The following ARHGAP32 variants were observed in gnomAD, a reference collection of about 807,000 sequenced individuals.
ARHGAP32 encodes the protein Rho GTPase activating protein 32.
A neutral mutation model predicts 186.5 loss-of-function variants in ARHGAP32; 51 were observed. The observed-to-expected ratio is 0.27, with a 90% CI of 0.22 to 0.35. The LOEUF (loss-of-function observed/expected upper bound fraction) is 0.35. ARHGAP32 is among the 10% of genes least tolerant of loss of function. The pLI is 1.00. For missense variants in ARHGAP32, 2,186 were observed against 2,623.5 expected (o/e 0.83, Z 3.64); for synonymous variants, 950 against 964.3 (o/e 0.99, Z 0.27).
chr11:129,062,367 T>C lies in ARHGAP32; in HGVS notation c.886-10A>G, dbSNP rs1469042537. On this transcript the variant is annotated splice_polypyrimidine_tract_variant and intron_variant, in intron 9 of 22. Coordinates refer to ENST00000682385, the MANE Select transcript of ARHGAP32 (RefSeq NM_001378024.1). The stretch of plus-strand genomic sequence containing the variant: ...AAACAATGTCTCCCACCTAGGAGAA[T>C]CAAAATTTTAAGCAAAATGGTTTTA... 2 of 1,609,086 alleles carry C rather than the reference T, an allele frequency of 1.2e-6. No homozygotes were observed. The highest frequency in any genetic ancestry group is 4.5e-5 in the East Asian group (2 of 44,804).
At chr11:129,086,745 C>CG (rs1941416247) in intron 6 of ARHGAP32, among the ~76,000 whole-genome samples, 1 of 147,728 alleles carries the variant, frequency 6.8e-6, no homozygotes, top group Admixed American at 6.8e-5. Context: ...GGCGTGAACC[C>CG]GGGAGGCAGA....
At chr11:129,045,223 C>A (rs1366397921) in intron 10 of ARHGAP32, among the ~76,000 whole-genome samples, 1 of 152,202 alleles carries the variant, frequency 6.6e-6, no homozygotes, top group African/African-American at 2.4e-5. Flanking sequence ...CTGCTACTAT[C>A]CTGTCTCCTC....
chr11:129,100,491 C>T (rs1941862342), intron 5 of ARHGAP32, among the ~76,000 whole-genome samples: 1 of 152,130 alleles, frequency 6.6e-6, no homozygotes, highest in African/African-American at 2.4e-5. Flanking sequence ...TGTCAGCTTC[C>T]CCTGAGGCCA....
intron 1 of ARHGAP32, among the ~76,000 whole-genome samples, chr11:129,183,815 C>T (rs1944103294): frequency 6.6e-6 from 1 of 152,060 alleles, no homozygotes. Context: ...AGTGAATGTT[C>T]CCTGCAGAAA....
chr11:129,224,936 A>C (rs993590714), intron 1 of ARHGAP32, among the ~76,000 whole-genome samples: 22 of 151,808 alleles, frequency 1.4e-4, no homozygotes, highest in African/African-American at 5.1e-4. Flanking sequence ...ACATAGCAAG[A>C]CTCTATCTCT....
intron 6 of ARHGAP32, among the ~76,000 whole-genome samples, chr11:129,085,678 G>A (rs1311710917): frequency 6.6e-6 from 1 of 152,074 alleles, no homozygotes; most frequent in Non-Finnish European, 1.5e-5. Flanking sequence ...AAAGTTGGAA[G>A]GCTGACACTA....
intron 2 of ARHGAP32, among the ~76,000 whole-genome samples, chr11:129,149,640 G>C (rs1943246078): frequency 6.6e-6 from 1 of 152,114 alleles, no homozygotes; most frequent in Admixed American, 6.6e-5. Flanking sequence ...TGAACATTAA[G>C]ACTTGAGTTC....
At chr11:129,197,518 T>C (rs1240733321) in intron 1 of ARHGAP32, among the ~76,000 whole-genome samples, 1 of 152,220 alleles carries the variant, frequency 6.6e-6, no homozygotes, top group Non-Finnish European at 1.5e-5. Context: ...GTCCACAGAC[T>C]GCTTCATGAA....
At chr11:129,220,178 A>G (rs756904826) in intron 1 of ARHGAP32, among the ~76,000 whole-genome samples, 2 of 152,200 alleles carry the variant, frequency 1.3e-5, no homozygotes, top group South Asian at 2.1e-4. Flanking sequence ...TTAAACCAGA[A>G]TATCATTAAC....
chr11:129,093,802 G>C (rs184808279), intron 5 of ARHGAP32, 95 bp from the exon 6 acceptor site: 12,358 of 830,044 alleles, frequency 0.015, 123 homozygotes, highest in Non-Finnish European at 0.019. Flanking sequence ...CATCATCTCC[G>C]GGTGAGCATC....
intron 2 of ARHGAP32, among the ~76,000 whole-genome samples, chr11:129,138,655 A>T (rs1230970557): frequency 6.6e-6 from 1 of 152,184 alleles, no homozygotes; most frequent in African/African-American, 2.4e-5. Flanking sequence ...TCTGATACAG[A>T]ACCACAAAGC....
At chr11:129,132,722 T>C (rs1411171659) in intron 2 of ARHGAP32, among the ~76,000 whole-genome samples, 2 of 152,150 alleles carry the variant, frequency 1.3e-5, no homozygotes, top group Non-Finnish European at 2.9e-5. Flanking sequence ...CAGACAAATA[T>C]GAGCTATTTC....
intron 5 of ARHGAP32, among the ~76,000 whole-genome samples, chr11:129,119,303 A>C (rs1459631213): frequency 2.0e-5 from 3 of 152,110 alleles, no homozygotes; most frequent in African/African-American, 7.2e-5. Context: ...TCAGCATATT[A>C]TCTCTCCTAT....
chr11:129,202,639 T>C (rs1944468518), intron 1 of ARHGAP32, among the ~76,000 whole-genome samples: 2 of 152,180 alleles, frequency 1.3e-5, no homozygotes, highest in African/African-American at 4.8e-5. Context: ...ATTAAGTCAA[T>C]TTCCCTTCTA....
chr11:129,123,965 C>A lies in ARHGAP32; in HGVS notation c.318-36G>T. The stretch of plus-strand genomic sequence containing the variant: ...AATGAACATTTTTATCCTTGTCTTT[C>A]CTCTACTTACACATGAAGCATAACT... On this transcript the variant is annotated intron_variant, in intron 3 of 22. Transcript: ENST00000682385. The surrounding 1 kb of genome is among the most constrained non-coding windows in gnomAD (Gnocchi z 4.6). 7.8e-7 allele frequency: 1 copy of A among 1,277,692 alleles called. No individual in the cohort carries two copies. The highest frequency in any genetic ancestry group is 1.0e-6 in the Non-Finnish European group (1 of 979,390). 79.1% of individuals were successfully genotyped at this position (1,277,692 alleles called of 1,614,324 possible).
intron 10 of ARHGAP32, among the ~76,000 whole-genome samples, chr11:129,050,718 T>C (rs963902997): frequency 1.3e-5 from 2 of 152,240 alleles, no homozygotes; most frequent in African/African-American, 2.4e-5. Context: ...TAGGTATACA[T>C]GTGCCATGGT....
At chr11:129,209,947 C>A (rs948581508) in intron 1 of ARHGAP32, among the ~76,000 whole-genome samples, 1 of 152,172 alleles carries the variant, frequency 6.6e-6, no homozygotes, top group African/African-American at 2.4e-5. Context: ...TATGCTTCCT[C>A]AAAATATTCT....
chr11:129,034,358 T>G (rs1279322032), intron 11 of ARHGAP32, among the ~76,000 whole-genome samples: 1 of 152,214 alleles, frequency 6.6e-6, no homozygotes, highest in Non-Finnish European at 1.5e-5. Context: ...TGTCAAAATT[T>G]TTTAACTGTC....
intron 20 of ARHGAP32, 120 bp from the exon 21 acceptor site, chr11:128,975,122 T>C: frequency 1.2e-6 from 1 of 822,770 alleles, no homozygotes; most frequent in Non-Finnish European, 1.9e-6. Context: ...TTACTTCTCA[T>C]TTTCTTTCTG....
Sources: allele counts gnomAD v4.1 joint callset (sites outside exome capture counted in the v4.1 genomes callset), GRCh38; gene constraint gnomAD v4.1.1; non-coding constraint Gnocchi (gnomAD v3.1); transcripts MANE v1.5; gene names NCBI Gene and HGNC (gene_info 2026-07-23, HGNC 2026-07-21).